The following PCDH19 variants were observed in gnomAD, a reference collection of about 807,000 sequenced individuals.
PCDH19 encodes the protein protocadherin 19.
A neutral mutation model predicts 46.2 loss-of-function variants in PCDH19; 6 were observed. The ratio of observed to expected loss-of-function variants is 0.13; its 90% CI spans 0.07 to 0.26. The LOEUF (loss-of-function observed/expected upper bound fraction) is 0.26. Ranked by LOEUF, PCDH19 falls within the 10% of genes least tolerant of loss-of-function variation. The pLI, the probability that PCDH19 is intolerant of heterozygous loss-of-function variation, is 1.00. For missense variants in PCDH19, 740 were observed against 972.3 expected (o/e 0.76, Z 3.18); for synonymous variants, 481 against 415.7 (o/e 1.16, Z -1.91).
intron 4 of PCDH19, among the ~76,000 whole-genome samples, chrX:100,349,438 G>A (rs1348128097): frequency 2.7e-5 from 3 of 111,603 alleles, no homozygotes; most frequent in Non-Finnish European, 5.6e-5. Context: ...GACAACTAAT[G>A]ATCATCACTT....
In PCDH19 at chrX:100,407,063, G is replaced by A. The variant is rs779665170; in HGVS notation, c.1535C>T (p.Ser512Leu). 8.3e-7 allele frequency: 1 copy of A among 1,211,743 alleles called. No individual in the cohort carries two copies. Among genetic ancestry groups the A allele is most frequent in the South Asian group, 1.8e-5 (1 of 56,981 alleles). Residue 512 changes from serine to leucine, a missense_variant, in exon 1 of 6, where the codon TCA (serine) becomes TTA (leucine). Physicochemically the swap from Ser to Leu is moderately radical, Grantham distance 145. Transcript: ENST00000373034. Reference protein sequence around the residue: ...VFTYVSINPNSGDIYALRSFN... With the variant: ...VFTYVSINPNLGDIYALRSFN... ...GGATCGCAGCGCGTAGATGTCGCCT[G>A]AGTTGGGATTGATGGAGACATAGGT...
At chrX:100,357,218 C>T (rs1399408107) in intron 3 of PCDH19, among the ~76,000 whole-genome samples, 2 of 111,596 alleles carry the variant, frequency 1.8e-5, no homozygotes, top group Admixed American at 1.9e-4. Context: ...TGTACGCAGG[C>T]TACTGGACTG....
chrX:100,333,763 G>C lies in PCDH19; in HGVS notation c.2848+8140C>G, dbSNP rs373283727. On this transcript the variant is annotated intron_variant, in intron 5 of 5. Transcript: ENST00000373034. ...TTTTTTTTCTGTTGTTTTTGTTTTCGTTTTTTGTTTGTTTTTTTCCTCTTC... is the reference window on the plus strand; with the variant it reads ...TTTTTTTTCTGTTGTTTTTGTTTTCCTTTTTTGTTTGTTTTTTTCCTCTTC... Among the ~76,000 whole-genome samples the C allele has an allele frequency of 1.1e-4, 11 of 101,141 alleles. No homozygotes were observed. In the East Asian group the frequency reaches 3.4e-3, roughly 31 times the overall value. The allele number at this position is 101,141 out of a possible 115,157, so 87.8% of individuals were successfully genotyped here. A position where few individuals can be genotyped will look rare whatever the true frequency, so the allele number is the denominator to read the frequency against.
intron 5 of PCDH19, among the ~76,000 whole-genome samples, chrX:100,327,735 C>T (rs776872238): frequency 8.9e-6 from 1 of 112,102 alleles, no homozygotes; most frequent in South Asian, 3.7e-4. Flanking sequence ...GAACCTTTCC[C>T]CATCAGCCAA....
At chrX:100,319,382 T>C (rs1324079167) in intron 5 of PCDH19, among the ~76,000 whole-genome samples, 1 of 111,781 alleles carries the variant, frequency 8.9e-6, no homozygotes, top group East Asian at 2.8e-4. Flanking sequence ...TAAATACAGG[T>C]ACATAAGACT....
chrX:100,363,048 G>A (rs777143002), intron 3 of PCDH19, among the ~76,000 whole-genome samples: 73 of 111,139 alleles, frequency 6.6e-4, no homozygotes, highest in Non-Finnish European at 1.2e-3. Context: ...GCTCACGCCT[G>A]TAATCCTAGC....
chrX:100,322,865 A>ATATATATTTT, intron 5 of PCDH19, among the ~76,000 whole-genome samples: 16 of 54,416 alleles, frequency 2.9e-4, no homozygotes, highest in African/African-American at 9.2e-4. Flanking sequence ...ATATATATAT[A>ATATATATTTT]TTTTTGCAGC....
At chrX:100,403,146 G>T (rs1241513043) in intron 2 of PCDH19, among the ~76,000 whole-genome samples, 1 of 111,568 alleles carries the variant, frequency 9.0e-6, no homozygotes, top group Non-Finnish European at 1.9e-5. Context: ...GGGGGGACAG[G>T]GAAAGTTGAG....
Position 100,296,459 on chromosome X carries a change from G to T in PCDH19, c.3265C>A (p.Pro1089Thr), listed in dbSNP as rs769890364. 9 of 1,211,569 alleles carry T rather than the reference G, an allele frequency of 7.4e-6. No individual in the cohort carries two copies. The highest frequency in any genetic ancestry group is 1.0e-5 in the Non-Finnish European group (9 of 895,458). ...PSVSYTIALAPPARDLEQYVN... is the reference protein window; with the variant it reads ...PSVSYTIALATPARDLEQYVN... ...TACTGCTCCAGATCACGGGCTGGGG[G>T]AGCCAGGGCAATGGTGTAAGACACG... is the stretch of plus-strand genomic sequence containing the variant. Residue 1089 changes from proline to threonine, a missense_variant, in exon 6 of 6, where the codon CCC (proline) becomes ACC (threonine). Around this residue, in one of 5 missense-constraint regions of PCDH19, gnomAD observed 416 missense variants for 476.8 expected, o/e 0.87. Coordinates refer to ENST00000373034, the MANE Select transcript of PCDH19 (RefSeq NM_001184880.2).
chrX:100,334,218 C>T (rs1430093225), intron 5 of PCDH19, among the ~76,000 whole-genome samples: 2 of 110,989 alleles, frequency 1.8e-5, no homozygotes, highest in Non-Finnish European at 3.8e-5. Flanking sequence ...AGTAAGAAAG[C>T]AAGCATAAAT....
chrX:100,393,501 C>CAT (rs1927924574), intron 3 of PCDH19, among the ~76,000 whole-genome samples: 2 of 22,290 alleles, frequency 9.0e-5, no homozygotes, highest in South Asian at 2.1e-3. Flanking sequence ...CATACATACA[C>CAT]ACACACACAC....
In PCDH19 at chrX:100,407,933, A is replaced by G; in HGVS notation, c.665T>C (p.Val222Ala). Residue 222 changes from valine to alanine, a missense_variant, in exon 1 of 6, where the codon GTT becomes GCT. By Grantham distance (64) the Val-to-Ala change is moderately conservative. Transcript: ENST00000373034. Reference sequence around the variant, plus strand: ...GTCGGTCACCTTGATACTAAGGCCAACGGTGCCCAGGCGCGGCGGGTCGCC... The same window carrying G: ...GTCGGTCACCTTGATACTAAGGCCAGCGGTGCCCAGGCGCGGCGGGTCGCC... ...DGGDPPRLGT[V>A]GLSIKVTDSN... is the part of the protein sequence containing the mutation. 1.7e-6 allele frequency: 2 copies of G among 1,211,334 alleles called. No homozygotes were observed. The highest frequency in any genetic ancestry group is 2.2e-6 in the Non-Finnish European group (2 of 895,648).
intron 3 of PCDH19, among the ~76,000 whole-genome samples, chrX:100,357,452 C>T (rs1428231168): frequency 8.9e-6 from 1 of 112,101 alleles, no homozygotes; most frequent in Non-Finnish European, 1.9e-5. Flanking sequence ...TCCATTTCCA[C>T]AGCCTTCATC....
In PCDH19 at chrX:100,294,008, A is replaced by C. The variant is rs1924512757; in HGVS notation, c.*2269T>G. ...GAAATACACCTGTAGAAAACTGTGA[A>C]GTCTGACTTCAAAGTGACCTTGAAA... On this transcript the variant is annotated 3_prime_UTR_variant, in exon 6 of 6. Coordinates refer to ENST00000373034, the MANE Select transcript of PCDH19 (RefSeq NM_001184880.2). 8.9e-6 allele frequency: 1 copy of C among 111,886 alleles called. No individual in the cohort carries two copies. Among genetic ancestry groups the C allele is most frequent in the Non-Finnish European group, 1.9e-5 (1 of 53,236 alleles). 9.2% of individuals were successfully genotyped at this position (111,886 alleles called of 1,213,427 possible).
chrX:100,302,581 T>C (rs1924814889), intron 5 of PCDH19, among the ~76,000 whole-genome samples: 1 of 112,101 alleles, frequency 8.9e-6, no homozygotes. Flanking sequence ...AAATACAACA[T>C]CTGTGGGATG....
chrX:100,402,536 C>T lies in PCDH19; in HGVS notation c.2604G>A (p.Val868=). ...TAGCTGCACTCACCTCAGGCAGAGG[C>T]ACACCGTTGATAATCAGGTCAGGCT... is the stretch of plus-strand genomic sequence containing the variant. ...PQQPDLIING[V]PLPETENYSF... Residue 868 remains valine (V), a synonymous_variant, in exon 3 of 6, where the codon GTG becomes GTA. Coordinates refer to ENST00000373034, the MANE Select transcript of PCDH19 (RefSeq NM_001184880.2). 1.7e-6 allele frequency: 2 copies of T among 1,210,832 alleles called. No individual in the cohort carries two copies. Among genetic ancestry groups the T allele is most frequent in the Non-Finnish European group, 2.2e-6 (2 of 894,516 alleles).
At chrX:100,379,898 G>C (rs1927501574) in intron 3 of PCDH19, among the ~76,000 whole-genome samples, 1 of 111,869 alleles carries the variant, frequency 8.9e-6, no homozygotes, top group Non-Finnish European at 1.9e-5. Context: ...ATTGACATTG[G>C]TTGGGGGTGG....
At chrX:100,377,531 C>A (rs761400756) in intron 3 of PCDH19, among the ~76,000 whole-genome samples, 6 of 112,085 alleles carry the variant, frequency 5.4e-5, no homozygotes, top group Non-Finnish European at 9.4e-5. Flanking sequence ...CAGTATCTAG[C>A]CCAGACTGAT....
chrX:100,305,554 T>C (rs751730415), intron 5 of PCDH19, among the ~76,000 whole-genome samples: 1 of 111,881 alleles, frequency 8.9e-6, no homozygotes, highest in Non-Finnish European at 1.9e-5. Context: ...GTGAATAGAA[T>C]AGCACCTCAC....
Sources: allele counts gnomAD v4.1 joint callset (sites outside exome capture counted in the v4.1 genomes callset), GRCh38; gene constraint gnomAD v4.1.1; regional missense constraint gnomAD v4.1.1; transcripts MANE v1.5; gene names NCBI Gene and HGNC (gene_info 2026-07-23, HGNC 2026-07-21).